The following KCP variants were observed in gnomAD, a reference collection of about 807,000 sequenced individuals.
The protein encoded by KCP is kielin/chordin-like protein.
A neutral mutation model predicts 212.7 loss-of-function variants in KCP; 194 were observed. The ratio of observed to expected loss-of-function variants is 0.91; its 90% confidence interval spans 0.81 to 1.03. The LOEUF is 1.03. KCP is among the 50% of genes least tolerant of loss of function. KCP has a pLI of 0.00. For missense variants in KCP, 2,080 were observed against 2,162.5 expected, an observed-to-expected ratio of 0.96 and a Z score of 0.76; for synonymous variants, 833 against 865.3, an observed-to-expected ratio of 0.96 and a Z score of 0.65.
Position 128,884,008 on chromosome 7 carries a change from A to G in KCP, c.3238T>C (p.Cys1080Arg). The G allele has an allele frequency of 6.5e-7, 1 of 1,548,654 alleles. No homozygotes were observed. The highest frequency in any genetic ancestry group is 1.2e-5 in the South Asian group (1 of 83,908). Residue 1080 changes from cysteine to arginine, a missense_variant, in exon 29 of 40, where the codon TGT (cysteine) becomes CGT (arginine). Transcript: ENST00000610776. ...CCCACATCCCTGGACTCACCGGCAC[A>G]GGTGGGACAGCAGTGCTGGGGCCCA... Reference protein sequence around the residue: ...PPGPQHCCPTCAEALSNCSEG... With the variant: ...PPGPQHCCPTRAEALSNCSEG...
chr7:128,899,850 A>C (rs1794738194), intron 8 of KCP, among the ~76,000 whole-genome samples: 1 of 152,196 alleles, frequency 6.6e-6, no homozygotes, highest in African/African-American at 2.4e-5. Context: ...TCATGTAAGG[A>C]ATCATGATTC....
chr7:128,906,535 C>G (rs377487766), intron 4 of KCP, among the ~76,000 whole-genome samples, 172 bp from the exon 5 acceptor site: 1 of 152,110 alleles, frequency 6.6e-6, no homozygotes, highest in Non-Finnish European at 1.5e-5. Context: ...ATCCCGCCCC[C>G]ACTCCCATCG....
Position 128,893,254 on chromosome 7 carries a change from G to A in KCP, c.1251C>T (p.Gly417=). The A allele has an allele frequency of 6.4e-7, 1 of 1,551,328 alleles. No individual in the cohort carries two copies. The highest frequency in any genetic ancestry group is 8.7e-7 in the Non-Finnish European group (1 of 1,146,936). ...PVTPCALPAS[G]RQLCPACELD... ...CACACACACCTGGGCAGAGCTGGCG[G>A]CCAGAGGCAGGCAGGGCACAGGGGG... Residue 417 remains glycine (G), a synonymous_variant, in exon 13 of 40, where the codon GGC becomes GGT. Coordinates refer to ENST00000610776, the MANE Select transcript of KCP (RefSeq NM_001366122.1).
chr7:128,878,233 T>G (rs1186388196), intron 38 of KCP, among the ~76,000 whole-genome samples: 2 of 152,068 alleles, frequency 1.3e-5, no homozygotes, highest in African/African-American at 4.8e-5. Context: ...TAATTTTGTA[T>G]TTTTAGTAGA....
intron 38 of KCP, among the ~76,000 whole-genome samples, 193 bp downstream of exon 38, chr7:128,878,365 C>A (rs1286803448): frequency 6.6e-6 from 1 of 152,116 alleles, no homozygotes; most frequent in Non-Finnish European, 1.5e-5. Context: ...GCCAATGAGG[C>A]CTCTTTTGAC....
At chr7:128,898,499 C>G (rs1033611332) in intron 8 of KCP, among the ~76,000 whole-genome samples, 5 of 152,184 alleles carry the variant, frequency 3.3e-5, no homozygotes, top group African/African-American at 9.7e-5. Flanking sequence ...AGGCTAGGCT[C>G]CACACCTAGT....
At chr7:128,901,792 A>G (rs988929796) in intron 8 of KCP, among the ~76,000 whole-genome samples, 22 of 152,158 alleles carry the variant, frequency 1.4e-4, no homozygotes, top group Non-Finnish European at 4.4e-5. Context: ...CAGAGTCCTT[A>G]GTCCTCAGCA....
Position 128,893,169 on chromosome 7 carries a change from G to C in KCP, c.1267+69C>G, listed in dbSNP as rs939026443. On this transcript the variant is annotated intron_variant, in intron 13 of 39. Coordinates refer to ENST00000610776, the MANE Select transcript of KCP (RefSeq NM_001366122.1). ...GCAACCCGTACCCCGTCCTGGGAAG[G>C]AGCACCCTCCTTCTGCAGCCCTCAG... 1.0e-5 allele frequency: 15 copies of C among 1,465,216 alleles called. No homozygotes were observed. In the East Asian group the frequency reaches 3.2e-4, roughly 31 times the overall value. The allele number at this position is 1,465,216 out of a possible 1,614,324, so 90.8% of individuals were successfully genotyped here.
chr7:128,877,814 C>G (rs116177150), intron 38 of KCP, 24 bp from the exon 39 acceptor site: 3 of 1,527,288 alleles, frequency 2.0e-6, no homozygotes, highest in African/African-American at 2.7e-5. Flanking sequence ...GCAGCCCTGA[C>G]GTGACAGCAC....
chr7:128,899,872 A>ATGGAAGGAATCATGATTCCTTAAGG, intron 8 of KCP, among the ~76,000 whole-genome samples: 1 of 151,890 alleles, frequency 6.6e-6, no homozygotes, highest in African/African-American at 2.4e-5. Context: ...TTAAGGAATC[A>ATGGAAGGAATCATGATTCCTTAAGG]AATTTGACTT....
intron 21 of KCP, 26 bp from the exon 22 acceptor site, chr7:128,889,065 G>C (rs985783200): frequency 1.4e-5 from 20 of 1,467,452 alleles, no homozygotes; most frequent in Non-Finnish European, 1.8e-5. Context: ...CAGAGAGGCC[G>C]AGGGGAGGGA....
Position 128,904,847 on chromosome 7 carries a change from G to A in KCP, c.572-709C>T, listed in dbSNP as rs574674923. 6.0e-4 allele frequency among the ~76,000 whole-genome samples: 92 copies of A among 152,324 alleles called. No individual in the cohort carries two copies. The South Asian group carries it at 6.4e-3, about 11-fold the overall frequency. ...TCCAGCAGATGGCAGTAAAGTGTCCGATAGGCACATCATCAGCATGGTTCC... is the reference window on the plus strand; with the variant it reads ...TCCAGCAGATGGCAGTAAAGTGTCCAATAGGCACATCATCAGCATGGTTCC... On this transcript the variant is annotated intron_variant, in intron 5 of 39. Coordinates refer to ENST00000610776, the MANE Select transcript of KCP (RefSeq NM_001366122.1).
chr7:128,898,310 C>A (rs1428435008), intron 8 of KCP, among the ~76,000 whole-genome samples: 1 of 152,192 alleles, frequency 6.6e-6, no homozygotes, highest in Non-Finnish European at 1.5e-5. Flanking sequence ...CCCACCTTGG[C>A]CTCCCAAAGT....
Position 128,907,373 on chromosome 7 carries a change from C to A in KCP, c.300G>T (p.Gly100=), listed in dbSNP as rs959099072. Residue 100 remains glycine, a synonymous_variant, in exon 3 of 40, where the codon GGG becomes GGT. Coordinates refer to ENST00000610776, the MANE Select transcript of KCP (RefSeq NM_001366122.1). ...AGCGTGCCCCCTCGGGCCAGGCACG[C>A]CCCAGCCCCCAGCACTGGGGAGATG... ...HPASPQCWGL[G]RAWPEGARWE... 2 of 1,540,834 alleles carry A rather than the reference C, an allele frequency of 1.3e-6. No individual in the cohort carries two copies. The highest frequency in any genetic ancestry group is 1.8e-6 in the Non-Finnish European group (2 of 1,138,896).
chr7:128,883,040 G>C (rs113308981), intron 29 of KCP, among the ~76,000 whole-genome samples: 90 of 151,802 alleles, frequency 5.9e-4, no homozygotes, highest in Non-Finnish European at 8.8e-4. Flanking sequence ...ACTCCAGCCT[G>C]TGCGACAAAG....
In KCP at chr7:128,890,366, C is replaced by T. The variant is rs766391808; in HGVS notation, c.2312G>A (p.Gly771Asp). 2.8e-4 allele frequency: 437 copies of T among 1,551,336 alleles called. No homozygotes were observed. The highest frequency in any genetic ancestry group is 3.4e-4 in the Non-Finnish European group (385 of 1,147,000). Reference protein sequence around the residue: ...APALCPFPARGDCCPDCDGCE... With the variant: ...APALCPFPARDDCCPDCDGCE... ...ACCATCACAGTCAGGGCAGCAGTCG[C>T]CCCTGGCAGGGAAGGGGCACAGTGC... is the stretch of plus-strand genomic sequence containing the variant. The change falls in exon 21 of 40, where the codon GGC becomes GAC. Residue 771 changes from glycine (G) to aspartate (D), a missense_variant. By Grantham distance (94) the Gly-to-Asp change is moderately conservative. Coordinates refer to ENST00000610776, the MANE Select transcript of KCP (RefSeq NM_001366122.1).
rs1794289550 is a variant in KCP at position 128,893,231 on chromosome 7, C to A, written c.1267+7G>T. 6.4e-7 allele frequency: 1 copy of A among 1,550,874 alleles called. No homozygotes were observed. The highest frequency in any genetic ancestry group is 8.7e-7 in the Non-Finnish European group (1 of 1,146,840). ...ATAGCAGCTGCTCCTCCCCCTCTCACACACACCTGGGCAGAGCTGGCGGCC... is the reference window on the plus strand; with the variant it reads ...ATAGCAGCTGCTCCTCCCCCTCTCAAACACACCTGGGCAGAGCTGGCGGCC... On this transcript the variant is annotated splice_region_variant and intron_variant, in intron 13 of 39. Transcript: ENST00000610776.
intron 26 of KCP, among the ~76,000 whole-genome samples, chr7:128,885,585 G>A (rs1384031567): frequency 1.3e-5 from 2 of 152,230 alleles, no homozygotes; most frequent in African/African-American, 4.8e-5. Context: ...ATAAATGCAT[G>A]TGGACCAGGT....
chr7:128,897,449 G>A lies in KCP; in HGVS notation c.832-3156C>T, dbSNP rs557107380. Among the ~76,000 whole-genome samples, 106 of 152,198 alleles carry A rather than the reference G, an allele frequency of 7.0e-4. 1 individual carries two copies. Among genetic ancestry groups the A allele is most frequent in the African/African-American group, 2.3e-3 (96 of 41,516 alleles). The stretch of plus-strand genomic sequence containing the variant: ...GAGGATGAGTCCTTTATCTTCTTTC[G>A]TCTGTGTATTTATATGTGTTGTGTG... On this transcript the variant is annotated intron_variant, in intron 8 of 39. Transcript: ENST00000610776.
Sources: allele counts gnomAD v4.1 joint callset (sites outside exome capture counted in the v4.1 genomes callset), GRCh38; gene constraint gnomAD v4.1.1; transcripts MANE v1.5; gene names NCBI Gene and HGNC (gene_info 2026-07-23, HGNC 2026-07-21).